Variants in SLC39A11 observed in about 807,000 individuals in gnomAD.
The protein encoded by SLC39A11 is zinc transporter ZIP11.
In SLC39A11, 33 loss-of-function variants were observed where a neutral mutation model predicts 36.1. The ratio of observed to expected loss-of-function variants is 0.91; its 90% CI spans 0.69 to 1.22. SLC39A11 has a LOEUF of 1.22. SLC39A11 is among the 50% of genes most tolerant of loss of function. SLC39A11 has a pLI of 0.00. For missense variants in SLC39A11, 432 were observed against 430.3 expected, an observed-to-expected ratio of 1.00 and a Z score of -0.03; for synonymous variants, 166 against 170.3, an observed-to-expected ratio of 0.97 and a Z score of 0.20.
chr17:72,970,931 C>T (rs375163288), intron 4 of SLC39A11, among the ~76,000 whole-genome samples: 2 of 152,236 alleles, frequency 1.3e-5, no homozygotes, highest in South Asian at 2.1e-4. Flanking sequence ...TCCCCTTGCA[C>T]GGCACCTCCG....
At chr17:73,008,601 T>C (rs536207827) in intron 4 of SLC39A11, among the ~76,000 whole-genome samples, 1 of 152,272 alleles carries the variant, frequency 6.6e-6, no homozygotes, top group Non-Finnish European at 1.5e-5. Flanking sequence ...CCAAAAGAAC[T>C]GAAAACGGTG....
chr17:72,902,721 A>G (rs1432032711), intron 5 of SLC39A11, among the ~76,000 whole-genome samples: 1 of 152,194 alleles, frequency 6.6e-6, no homozygotes, highest in Non-Finnish European at 1.5e-5. Context: ...TAGGCTTAAC[A>G]TGCAGCTGGT....
chr17:73,016,458 C>T (rs996666884), intron 4 of SLC39A11, among the ~76,000 whole-genome samples: 8 of 152,036 alleles, frequency 5.3e-5, no homozygotes, highest in African/African-American at 1.4e-4. Context: ...CTCAGCCTCC[C>T]GAGTAGCTGG....
intron 4 of SLC39A11, among the ~76,000 whole-genome samples, chr17:73,013,152 C>T (rs1354528970): frequency 3.3e-5 from 5 of 151,954 alleles, no homozygotes; most frequent in Non-Finnish European, 7.4e-5. Context: ...GAGTGCAGTG[C>T]ACAATCTCGG....
chr17:72,882,360 TAAAAA>T (rs11332921), intron 5 of SLC39A11, among the ~76,000 whole-genome samples: 25 of 126,242 alleles, frequency 2.0e-4, no homozygotes, highest in Non-Finnish European at 2.8e-4. Flanking sequence ...TTCCTATATC[TAAAAA>T]AAAAAAAAAA....
At chr17:72,946,935 G>C (rs144843187) in intron 5 of SLC39A11, among the ~76,000 whole-genome samples, 1 of 152,312 alleles carries the variant, frequency 6.6e-6, no homozygotes, top group East Asian at 1.9e-4. Context: ...GATTCCTCTT[G>C]AGGGACGCAT....
intron 4 of SLC39A11, among the ~76,000 whole-genome samples, chr17:72,966,298 T>A (rs1051572985): frequency 1.3e-5 from 2 of 152,166 alleles, no homozygotes; most frequent in Non-Finnish European, 2.9e-5. Context: ...AATTGTGACC[T>A]CCACGCAAGC....
chr17:72,832,797 C>T (rs568686429), intron 6 of SLC39A11, among the ~76,000 whole-genome samples: 22 of 152,268 alleles, frequency 1.4e-4, no homozygotes, highest in Non-Finnish European at 2.8e-4. Context: ...TTAATGTGCA[C>T]TAAAATTCGC....
intron 3 of SLC39A11, among the ~76,000 whole-genome samples, chr17:73,049,365 C>G (rs370989839): frequency 6.6e-6 from 1 of 150,764 alleles, no homozygotes; most frequent in African/African-American, 2.4e-5. Flanking sequence ...AGCAGCTGGG[C>G]GGATGCGCCT....
chr17:72,672,711 TACTC>T (rs1354055548), intron 7 of SLC39A11, among the ~76,000 whole-genome samples: 2 of 152,170 alleles, frequency 1.3e-5, no homozygotes, highest in Admixed American at 6.5e-5. Context: ...GTGATCTTCT[TACTC>T]AGCCTCCAGA....
chr17:73,046,605 A>G (rs901434926), intron 3 of SLC39A11, among the ~76,000 whole-genome samples: 16 of 152,144 alleles, frequency 1.1e-4, no homozygotes, highest in African/African-American at 3.9e-4. Flanking sequence ...CCCACCAGTA[A>G]TTATCGTCAT....
intron 4 of SLC39A11, among the ~76,000 whole-genome samples, chr17:72,991,354 A>G (rs2089160653): frequency 6.6e-6 from 1 of 151,252 alleles, no homozygotes; most frequent in Admixed American, 6.6e-5. Context: ...ATTTTTATTT[A>G]TTTTTTAATT....
At chr17:73,020,559 G>C (rs2058306987) in intron 4 of SLC39A11, among the ~76,000 whole-genome samples, 1 of 152,094 alleles carries the variant, frequency 6.6e-6, no homozygotes, top group African/African-American at 2.4e-5. Flanking sequence ...TATTTCTAAA[G>C]GAAACCAAGT....
intron 4 of SLC39A11, among the ~76,000 whole-genome samples, chr17:72,952,735 T>G (rs1166381618): frequency 2.6e-5 from 4 of 152,204 alleles, no homozygotes; most frequent in African/African-American, 9.6e-5. Flanking sequence ...CACTCAATCC[T>G]TATAGCCCTG....
chr17:72,678,435 G>A (rs2071368024), intron 7 of SLC39A11, among the ~76,000 whole-genome samples: 1 of 152,070 alleles, frequency 6.6e-6, no homozygotes, highest in Non-Finnish European at 1.5e-5. Context: ...GGCCAGGCAC[G>A]GTGGCTCACA....
intron 3 of SLC39A11, chr17:73,068,300 G>C: frequency 1.6e-6 from 1 of 639,132 alleles, no homozygotes; most frequent in Non-Finnish European, 2.8e-6. Context: ...CTTGCTTGGA[G>C]AGACTCCGGG....
chr17:72,883,488 G>A (rs1392809207), intron 5 of SLC39A11, among the ~76,000 whole-genome samples: 1 of 152,164 alleles, frequency 6.6e-6, no homozygotes, highest in Non-Finnish European at 1.5e-5. Context: ...CGCCAGTACT[G>A]AAGCTTTTCA....
intron 4 of SLC39A11, among the ~76,000 whole-genome samples, chr17:72,950,909 G>T (rs528031116): frequency 1.3e-5 from 2 of 152,090 alleles, no homozygotes; most frequent in East Asian, 3.9e-4. Context: ...ATCTCTAGTG[G>T]GTAGAGACCA....
chr17:72,760,474 G>A (rs2075538092), intron 6 of SLC39A11, among the ~76,000 whole-genome samples: 1 of 152,206 alleles, frequency 6.6e-6, no homozygotes, highest in African/African-American at 2.4e-5. Flanking sequence ...ACAGAGAGGT[G>A]GCGTTGGTTT....
Sources: allele counts gnomAD v4.1 joint callset (sites outside exome capture counted in the v4.1 genomes callset), GRCh38; gene constraint gnomAD v4.1.1; transcripts MANE v1.5; gene names NCBI Gene and HGNC (gene_info 2026-07-23, HGNC 2026-07-21).